TAF4: variants seen among roughly 807,000 people sequenced by gnomAD.
TAF4 encodes TATA-box binding protein associated factor 4.
A neutral mutation model predicts 90.3 loss-of-function variants in TAF4; 9 were observed. The ratio of observed to expected loss-of-function variants is 0.10; its 90% confidence interval spans 0.06 to 0.17. The LOEUF is 0.17. Among genes scored for constraint, TAF4 ranks in the 10% least tolerant of loss-of-function variants. TAF4 has a pLI of 1.00. For missense variants in TAF4, 1,351 were observed against 1,370.7 expected (o/e 0.99, Z 0.23); for synonymous variants, 818 against 638.9 (o/e 1.28, Z -4.23).
chr20:61,984,569 G>A (rs1263130887), intron 14 of TAF4, among the ~76,000 whole-genome samples: 1 of 152,180 alleles, frequency 6.6e-6, no homozygotes, highest in African/African-American at 2.4e-5. Context: ...AGCTCCTGAT[G>A]CAGTGACACG....
intron 1 of TAF4, among the ~76,000 whole-genome samples, chr20:62,037,163 C>T (rs535118451): frequency 2.2e-5 from 3 of 138,586 alleles, no homozygotes; most frequent in East Asian, 2.0e-4. Flanking sequence ...ACATCATGTG[C>T]GTCATGAGAG....
At chr20:62,018,141 T>G (rs908385784) in intron 1 of TAF4, among the ~76,000 whole-genome samples, 3 of 152,246 alleles carry the variant, frequency 2.0e-5, no homozygotes. Flanking sequence ...CAAGCGCGAG[T>G]GGCCACGTCT....
At chr20:62,053,802 A>G (rs6142940) in intron 1 of TAF4, among the ~76,000 whole-genome samples, 15,279 of 152,284 alleles carry the variant, frequency 0.1, 1,281 homozygotes, top group East Asian at 0.47. Flanking sequence ...AGACAGACAC[A>G]GACAATGACC....
At chr20:62,007,438 G>C in intron 6 of TAF4, 109 bp downstream of exon 6, 2 of 1,029,846 alleles carry the variant, frequency 1.9e-6, no homozygotes, top group Admixed American at 4.0e-5. Flanking sequence ...CAGCACAAGC[G>C]CTGTGCACCC....
chr20:62,065,725 A>G lies in TAF4; in HGVS notation c.86T>C (p.Leu29Pro). Residue 29 changes from leucine to proline, a missense_variant, in exon 1 of 15, where the codon CTG becomes CCG. Around this residue, in one of 9 missense-constraint regions of TAF4, gnomAD observed 782 missense variants for 536.6 expected, o/e 1.46. Transcript: ENST00000252996. ...EKVVSDLVGS[L>P]ESQLAASAAH... ...CGCGCTGGCCGCCAGCTGCGACTCCAGCGAGCCCACCAGGTCGCTCACCAC... is the reference window on the plus strand; with the variant it reads ...CGCGCTGGCCGCCAGCTGCGACTCCGGCGAGCCCACCAGGTCGCTCACCAC... 3.8e-6 allele frequency: 5 copies of G among 1,305,046 alleles called. No individual in the cohort carries two copies. Among genetic ancestry groups the G allele is most frequent in the East Asian group, 4.3e-5 (1 of 23,358 alleles). 80.8% of individuals were successfully genotyped at this position (1,305,046 alleles called of 1,614,324 possible).
intron 1 of TAF4, among the ~76,000 whole-genome samples, chr20:62,016,534 A>G (rs2055812955): frequency 6.6e-6 from 1 of 152,218 alleles, no homozygotes; most frequent in Non-Finnish European, 1.5e-5. Context: ...TTCAGCTTTT[A>G]GACTCCTGGC....
chr20:61,986,686 T>C (rs1189256975), intron 14 of TAF4, among the ~76,000 whole-genome samples: 3 of 152,280 alleles, frequency 2.0e-5, no homozygotes, highest in African/African-American at 7.2e-5. Context: ...GAGCTCATGA[T>C]GGCCAGAGCC....
chr20:62,001,342 G>A (rs1039067481), intron 9 of TAF4, among the ~76,000 whole-genome samples: 9 of 152,178 alleles, frequency 5.9e-5, no homozygotes, highest in African/African-American at 7.2e-5. Context: ...CGTCTTGTCC[G>A]GCTCCTCAAG....
chr20:62,001,341 C>T (rs942558036), intron 9 of TAF4, among the ~76,000 whole-genome samples: 3 of 152,204 alleles, frequency 2.0e-5, no homozygotes, highest in Non-Finnish European at 2.9e-5. Flanking sequence ...ACGTCTTGTC[C>T]GGCTCCTCAA....
intron 1 of TAF4, among the ~76,000 whole-genome samples, chr20:62,063,077 C>T (rs1300816043): frequency 6.6e-6 from 1 of 152,174 alleles, no homozygotes; most frequent in African/African-American, 2.4e-5. Context: ...CCCCTACAAA[C>T]GCTTCAGTAC....
intron 1 of TAF4, among the ~76,000 whole-genome samples, chr20:62,035,337 A>G (rs1358025128): frequency 6.6e-6 from 1 of 152,218 alleles, no homozygotes; most frequent in Admixed American, 6.5e-5. Flanking sequence ...ATTTAAGGAC[A>G]GGATGCTACT....
chr20:62,007,168 C>T (rs113276556), intron 6 of TAF4, among the ~76,000 whole-genome samples: 1 of 152,144 alleles, frequency 6.6e-6, no homozygotes, highest in Non-Finnish European at 1.5e-5. Context: ...TACAAATATA[C>T]GTATTGATTT....
In TAF4 at chr20:62,065,127, C is replaced by T; in HGVS notation, c.684G>A (p.Leu228=). Residue 228 remains leucine, a synonymous_variant, in exon 1 of 15, where the codon CTG becomes CTA. Coordinates refer to ENST00000252996, the MANE Select transcript of TAF4 (RefSeq NM_003185.4). ...VNNGPAALLP[L]PKPAAPGTVI... The stretch of plus-strand genomic sequence containing the variant: ...CAGTGCCGGGGGCGGCGGGCTTGGG[C>T]AGCGGCAGCAGCGCGGCGGGCCCGT... 2 of 1,160,916 alleles carry T rather than the reference C, an allele frequency of 1.7e-6. No individual in the cohort carries two copies. Among genetic ancestry groups the T allele is most frequent in the East Asian group, 9.2e-5 (1 of 10,872 alleles). 71.9% of individuals were successfully genotyped at this position (1,160,916 alleles called of 1,614,324 possible).
chr20:62,018,190 A>G (rs1213893147), intron 1 of TAF4, among the ~76,000 whole-genome samples: 5 of 152,248 alleles, frequency 3.3e-5, no homozygotes, highest in Non-Finnish European at 5.9e-5. Context: ...CAAACAGCAC[A>G]TAAGAGGCGC....
chr20:61,989,430 G>C (rs971104053), intron 14 of TAF4, among the ~76,000 whole-genome samples: 7 of 152,212 alleles, frequency 4.6e-5, no homozygotes, highest in Non-Finnish European at 1.5e-5. Context: ...TAGAAATAAT[G>C]AGAGTGCTGA....
chr20:61,987,325 G>T (rs1203861872), intron 14 of TAF4, among the ~76,000 whole-genome samples: 1 of 152,138 alleles, frequency 6.6e-6, no homozygotes, highest in African/African-American at 2.4e-5. Flanking sequence ...AGACCAAGGA[G>T]CCGAGGAGCC....
At chr20:62,017,026 A>G (rs2055815791) in intron 1 of TAF4, among the ~76,000 whole-genome samples, 1 of 151,966 alleles carries the variant, frequency 6.6e-6, no homozygotes, top group South Asian at 2.1e-4. Flanking sequence ...CTGTAGTTCC[A>G]GCTACTTGGG....
At chr20:62,043,584 G>A (rs758868910) in intron 1 of TAF4, among the ~76,000 whole-genome samples, 1 of 152,120 alleles carries the variant, frequency 6.6e-6, no homozygotes, top group Non-Finnish European at 1.5e-5. Context: ...AGTCCTGCAA[G>A]CGCCATTCAT....
At chr20:62,032,850 G>C (rs1393586485) in intron 1 of TAF4, among the ~76,000 whole-genome samples, 1 of 152,098 alleles carries the variant, frequency 6.6e-6, no homozygotes, top group Non-Finnish European at 1.5e-5. Flanking sequence ...CATGTGGATG[G>C]TACACACCCT....
Sources: gnomAD v4.1 joint callset for allele counts (sites outside exome capture counted in the v4.1 genomes callset) on GRCh38, gnomAD v4.1.1 for gene constraint, gnomAD v4.1.1 regional missense constraint, MANE v1.5 for transcripts, NCBI Gene and HGNC (gene_info 2026-07-23, HGNC 2026-07-21) for gene names.